Variants in SLC26A4 observed in about 807,000 individuals in gnomAD.
The protein encoded by SLC26A4 is pendrin.
Under a neutral mutation model 90.4 loss-of-function variants are expected in SLC26A4, and 93 were observed. The observed-to-expected ratio is 1.03, with a 90% confidence interval of 0.87 to 1.22. The LOEUF is 1.22. SLC26A4 is among the 50% of genes most tolerant of loss of function. SLC26A4 has a pLI of 0.00. For missense variants in SLC26A4, 1,127 were observed against 946.2 expected, an observed-to-expected ratio of 1.19 and a Z score of -2.51; for synonymous variants, 393 against 354.6, an observed-to-expected ratio of 1.11 and a Z score of -1.22.
chr7:107,679,696 A>G (rs770047684), intron 6 of SLC26A4, among the ~76,000 whole-genome samples: 4 of 151,274 alleles, frequency 2.6e-5, no homozygotes, highest in Non-Finnish European at 5.9e-5. Flanking sequence ...ACAGAATTAT[A>G]TGTGTATCCA....
intron 13 of SLC26A4, among the ~76,000 whole-genome samples, chr7:107,697,405 TG>T (rs1791769799): frequency 6.6e-6 from 1 of 152,212 alleles, no homozygotes; most frequent in Non-Finnish European, 1.5e-5. Flanking sequence ...AGCACAATGC[TG>T]AAAGTACACT....
At chr7:107,682,763 T>C (rs1176718716) in intron 6 of SLC26A4, among the ~76,000 whole-genome samples, 1 of 152,126 alleles carries the variant, frequency 6.6e-6, no homozygotes, top group African/African-American at 2.4e-5. Flanking sequence ...CAATGCTGTA[T>C]CACTGTAGTA....
intron 6 of SLC26A4, among the ~76,000 whole-genome samples, chr7:107,682,104 TAA>T (rs1169027377): frequency 0.043 from 1,413 of 33,108 alleles, 22 homozygotes; most frequent in African/African-American, 0.12. Context: ...GCAAGAGAGC[TAA>T]AAAAAAAAAA....
rs772631152 is a variant in SLC26A4, at chr7:107,689,209, G to T, written c.1149+9G>T. 7.4e-6 allele frequency: 12 copies of T among 1,613,188 alleles called. No homozygotes were observed. Among genetic ancestry groups the T allele is most frequent in the Admixed American group, 1.7e-5 (1 of 59,968 alleles). On this transcript the variant is annotated intron_variant, in intron 9 of 20. Coordinates refer to ENST00000644269, the MANE Select transcript of SLC26A4 (RefSeq NM_000441.2). ...CCATCGATGGGAACCAGGTATGGGT[G>T]CCCTTTTGCTGAACTGGTTTTATAG...
chr7:107,713,942 T>TCTTA (rs2129320689), intron 20 of SLC26A4, among the ~76,000 whole-genome samples: 1 of 152,148 alleles, frequency 6.6e-6, no homozygotes, highest in South Asian at 2.1e-4. Flanking sequence ...TGTGACTGAG[T>TCTTA]CTTACTCTGT....
rs1055757142 is a variant in SLC26A4 at position 107,661,896 on chromosome 7, G to T, written c.164+91G>T. The stretch of plus-strand genomic sequence containing the variant: ...GGCGTCCCCAGCGGGCGAGAGTGGG[G>T]TGCGGGCGGCGGAGCCCCTGGGCGC... On this transcript the variant is annotated intron_variant, in intron 2 of 20. Transcript: ENST00000644269. This position sits in a 1 kb window ranked among gnomAD's most constrained non-coding sequence, Gnocchi z 5.1. 2.3e-5 allele frequency: 33 copies of T among 1,406,510 alleles called. No individual in the cohort carries two copies. In the Admixed American group the frequency reaches 3.7e-4, roughly 16 times the overall value. The allele number at this position is 1,406,510 out of a possible 1,614,324, so 87.1% of individuals were successfully genotyped here.
intron 4 of SLC26A4, among the ~76,000 whole-genome samples, chr7:107,672,468 T>C (rs1168017876): frequency 1.3e-5 from 2 of 151,564 alleles, no homozygotes; most frequent in African/African-American, 4.8e-5. Context: ...GCTTTTTCTA[T>C]TCACTGATGT....
chr7:107,704,296 G>A (rs1168679120), intron 17 of SLC26A4, 35 bp from the exon 18 acceptor site: 1 of 894,448 alleles, frequency 1.1e-6, no homozygotes, highest in Admixed American at 1.8e-5. Context: ...AGATAAGGTT[G>A]TTAATTGTTA....
intron 20 of SLC26A4, among the ~76,000 whole-genome samples, chr7:107,713,235 G>A (rs1792241195): frequency 6.6e-6 from 1 of 152,214 alleles, no homozygotes; most frequent in Non-Finnish European, 1.5e-5. Context: ...GAATCAAGTA[G>A]TCTAACATTC....
At chr7:107,667,322 G>C (rs957109313) in intron 3 of SLC26A4, among the ~76,000 whole-genome samples, 1 of 152,020 alleles carries the variant, frequency 6.6e-6, no homozygotes, top group African/African-American at 2.4e-5. Flanking sequence ...GGCAGGTGTA[G>C]AAGAAAAGAG....
intron 9 of SLC26A4, among the ~76,000 whole-genome samples, chr7:107,689,655 G>T (rs746691655): frequency 6.6e-6 from 1 of 152,176 alleles, no homozygotes; most frequent in Non-Finnish European, 1.5e-5. Context: ...ACATTGCCAG[G>T]TAAGCTGATT....
intron 18 of SLC26A4, among the ~76,000 whole-genome samples, chr7:107,708,884 T>C (rs1006903756): frequency 5.9e-5 from 9 of 152,116 alleles, no homozygotes; most frequent in African/African-American, 2.2e-4. Flanking sequence ...ATTACTTAGA[T>C]TCCTTAGAAC....
chr7:107,662,160 A>G (rs902165615), intron 2 of SLC26A4: 5 of 306,664 alleles, frequency 1.6e-5, no homozygotes, highest in Non-Finnish European at 3.0e-5. Flanking sequence ...AATGAAATGA[A>G]TAGGGAAACC....
At chr7:107,682,070 C>T (rs1791249282) in intron 6 of SLC26A4, among the ~76,000 whole-genome samples, 1 of 131,344 alleles carries the variant, frequency 7.6e-6, no homozygotes, top group African/African-American at 3.0e-5. Context: ...CTCAGGAGTT[C>T]GAGGCCACTG....
At chr7:107,686,235 ACTCTTTCTTTCATT>A (rs952766747) in intron 8 of SLC26A4, among the ~76,000 whole-genome samples, 2 of 148,690 alleles carry the variant, frequency 1.3e-5, no homozygotes, top group South Asian at 2.2e-4. Context: ...CATGTTTGTT[ACTCTTTCTTTCATT>A]CTCTTTCTTT....
intron 18 of SLC26A4, among the ~76,000 whole-genome samples, chr7:107,709,602 A>T (rs889761451): frequency 6.6e-6 from 1 of 152,178 alleles, no homozygotes; most frequent in Non-Finnish European, 1.5e-5. Context: ...AGAGAAGGGC[A>T]CAGCTGTGAA....
chr7:107,689,054 T>C lies in SLC26A4; in HGVS notation c.1003T>C (p.Phe335Leu), dbSNP rs111033212. Residue 335 changes from phenylalanine to leucine, a missense_variant and splice_region_variant, in exon 9 of 21, where the codon TTT becomes CTT. Transcript: ENST00000644269. ...AGIVKSIPRG[F>L]LPPELPPVSL... is the part of the protein sequence containing the mutation. ...ATTTTTCACTTAAAAACTCACTAGG[T>C]TTTTGCCTCCTGAACTTCCACCTGT... 1.3e-3 allele frequency: 2,107 copies of C among 1,613,742 alleles called. 6 individuals are homozygous for C. The highest frequency in any genetic ancestry group is 2.5e-3 in the South Asian group (224 of 91,074).
At position 107,694,665 on chromosome 7, in the gene SLC26A4, T is replaced by G; in HGVS notation, c.1386T>G (p.Phe462Leu). Residue 462 changes from phenylalanine to leucine, a missense_variant, in exon 12 of 21, where the codon TTT (phenylalanine) becomes TTG (leucine). Phe to Leu is a conservative substitution (Grantham distance 22). Transcript: ENST00000644269. Reference protein sequence around the residue: ...AVVIANLKGMFMQLCDIPRLW... With the variant: ...AVVIANLKGMLMQLCDIPRLW... ...TAATTGCCAACCTGAAAGGGATGTT[T>G]ATGCAGCTGTGTGACATTCCTCGTC... The G allele has an allele frequency of 1.2e-5, 20 of 1,613,798 alleles. No homozygotes were observed. Among genetic ancestry groups the G allele is most frequent in the Non-Finnish European group, 1.7e-5 (20 of 1,179,704 alleles).
At chr7:107,713,010 G>A (rs761321333) in intron 20 of SLC26A4, among the ~76,000 whole-genome samples, 45 of 152,140 alleles carry the variant, frequency 3.0e-4, no homozygotes, top group Non-Finnish European at 5.0e-4. Flanking sequence ...GAAACCCTAT[G>A]ACCTTCCTTC....
Sources: gnomAD v4.1 joint callset for allele counts (sites outside exome capture counted in the v4.1 genomes callset) on GRCh38, gnomAD v4.1.1 for gene constraint, Gnocchi (gnomAD v3.1) non-coding constraint, MANE v1.5 for transcripts, NCBI Gene and HGNC (gene_info 2026-07-23, HGNC 2026-07-21) for gene names.